FOCAD: variants seen among roughly 807,000 people sequenced by gnomAD.
The protein encoded by FOCAD is KIAA1797.
In FOCAD, 198 loss-of-function variants were observed where a neutral mutation model predicts 225.6. The ratio of observed to expected loss-of-function variants is 0.88; its 90% CI spans 0.78 to 0.99. FOCAD has a LOEUF of 0.99. Ranked by LOEUF, FOCAD falls within the 50% of genes least tolerant of loss-of-function variation. The pLI, the probability that FOCAD is intolerant of heterozygous loss-of-function variation, is 0.00. For missense variants in FOCAD, 2,713 were observed against 2,123.6 expected (o/e 1.28, Z -5.46); for synonymous variants, 897 against 755.0 (o/e 1.19, Z -3.08).
chr9:20,813,599 T>G (rs7868760), intron 11 of FOCAD, among the ~76,000 whole-genome samples: 4 of 152,236 alleles, frequency 2.6e-5, no homozygotes, highest in African/African-American at 9.6e-5. Flanking sequence ...GAAAGGGTAC[T>G]TAGTGTGATT....
intron 15 of FOCAD, among the ~76,000 whole-genome samples, chr9:20,855,571 A>T (rs901048762): frequency 6.6e-6 from 1 of 151,712 alleles, no homozygotes; most frequent in African/African-American, 2.4e-5. Flanking sequence ...GGTATCCATC[A>T]CCTCAAGCAT....
At chr9:20,703,254 T>C (rs970831410) in intron 1 of FOCAD, among the ~76,000 whole-genome samples, 3 of 152,022 alleles carry the variant, frequency 2.0e-5, no homozygotes, top group Admixed American at 2.0e-4. Context: ...ATTTGAACAA[T>C]TGAACAAGTC....
intron 39 of FOCAD, among the ~76,000 whole-genome samples, chr9:20,985,621 C>T (rs1841084869): frequency 1.3e-5 from 2 of 152,118 alleles, no homozygotes; most frequent in Non-Finnish European, 2.9e-5. Context: ...TAATCTTACA[C>T]GTGTTCTTCC....
At chr9:20,732,151 G>A (rs998149168) in intron 4 of FOCAD, among the ~76,000 whole-genome samples, 5 of 152,108 alleles carry the variant, frequency 3.3e-5, no homozygotes, top group Non-Finnish European at 4.4e-5. Flanking sequence ...CTGTGATACC[G>A]TGGTGAGGAA....
In FOCAD at chr9:20,780,230, A is replaced by G. The variant is rs187503563; in HGVS notation, c.994+1462A>G. ...TCCTCATTTTCACCCTCAGCTCCAGAGAAATACTAATCTGCTTTTTGTCTC... is the reference window on the plus strand; with the variant it reads ...TCCTCATTTTCACCCTCAGCTCCAGGGAAATACTAATCTGCTTTTTGTCTC... On this transcript the variant is annotated intron_variant, in intron 9 of 43. Coordinates refer to ENST00000338382, the MANE Select transcript of FOCAD (RefSeq NM_001375567.1). Among the ~76,000 whole-genome samples the G allele has an allele frequency of 1.5e-3, 224 of 152,294 alleles. 1 individual carries two copies. Among genetic ancestry groups the G allele is most frequent in the Non-Finnish European group, 2.4e-3 (160 of 68,024 alleles).
rs1832782109 is a variant in FOCAD, at chr9:20,904,344, C to T, written c.2626-2806C>T. ...CTGAGGAACCACCATTAAGTGTTTT[C>T]CATACCAGCTGAACCATTTTTTATT... On this transcript the variant is annotated intron_variant, in intron 21 of 43. Transcript: ENST00000338382. 2.0e-5 allele frequency among the ~76,000 whole-genome samples: 3 copies of T among 151,910 alleles called. No homozygotes were observed. The South Asian group carries it at 6.2e-4, about 31-fold the overall frequency.
chr9:20,769,974 TA>T, intron 7 of FOCAD, 57 bp from the exon 8 acceptor site: 1 of 1,483,968 alleles, frequency 6.7e-7, no homozygotes, highest in Non-Finnish European at 9.3e-7. Context: ...TTGTGTACTT[TA>T]AAATTATCTT....
chr9:20,888,567 C>A (rs1228118902), intron 21 of FOCAD, among the ~76,000 whole-genome samples: 3 of 151,358 alleles, frequency 2.0e-5, no homozygotes, highest in African/African-American at 4.9e-5. Context: ...TTTCTTTTTT[C>A]CTGTGTTTTA....
At chr9:20,962,545 G>A (rs987466531) in intron 35 of FOCAD, among the ~76,000 whole-genome samples, 3 of 152,114 alleles carry the variant, frequency 2.0e-5, no homozygotes, top group South Asian at 2.1e-4. Context: ...ATATGCTAGC[G>A]ATGGAAAATA....
At chr9:20,828,458 G>A (rs1377550799) in intron 15 of FOCAD, among the ~76,000 whole-genome samples, 1 of 151,988 alleles carries the variant, frequency 6.6e-6, no homozygotes, top group Non-Finnish European at 1.5e-5. Flanking sequence ...CTAGGAGTGG[G>A]ATTGGTGGGT....
At chr9:20,704,566 T>C (rs1319333724) in intron 1 of FOCAD, among the ~76,000 whole-genome samples, 1 of 152,190 alleles carries the variant, frequency 6.6e-6, no homozygotes, top group Non-Finnish European at 1.5e-5. Context: ...ATAATAGTTA[T>C]TTTTCTCCTT....
chr9:20,754,649 G>T (rs1166372931), intron 5 of FOCAD, among the ~76,000 whole-genome samples: 1 of 151,946 alleles, frequency 6.6e-6, no homozygotes, highest in Admixed American at 6.6e-5. Context: ...TCTTGACCAG[G>T]AGCAATTTTG....
At chr9:20,862,538 G>T in intron 15 of FOCAD, 40 bp from the exon 16 acceptor site, 1 of 1,600,154 alleles carries the variant, frequency 6.2e-7, no homozygotes, top group Non-Finnish European at 8.5e-7. Context: ...ATATAGGTTG[G>T]AGTCTTGTTA....
In FOCAD at chr9:20,756,528, G is replaced by A. The variant is rs77134440; in HGVS notation, c.393-1562G>A. Among the ~76,000 whole-genome samples the A allele has an allele frequency of 5.1e-3, 777 of 152,202 alleles. 3 individuals carry two copies. Among genetic ancestry groups the A allele is most frequent in the Non-Finnish European group, 7.1e-3 (483 of 68,012 alleles). ...GTAGAATTTTAAAAAATTGCTAGGG[G>A]ACAAACTTCATTCCTAGCAGTCTAA... On this transcript the variant is annotated intron_variant, in intron 5 of 43. Transcript: ENST00000338382.
At chr9:20,711,386 G>A (rs575360534) in intron 1 of FOCAD, among the ~76,000 whole-genome samples, 1 of 152,160 alleles carries the variant, frequency 6.6e-6, no homozygotes, top group South Asian at 2.1e-4. Flanking sequence ...ATCAGGATTT[G>A]CATTTAATCC....
intron 4 of FOCAD, among the ~76,000 whole-genome samples, chr9:20,727,254 C>G (rs1586952899): frequency 1.3e-5 from 2 of 152,014 alleles, no homozygotes; most frequent in Non-Finnish European, 1.5e-5. Flanking sequence ...TGGTTCCAGC[C>G]ACTTTTCTGA....
At chr9:20,661,094 A>G (rs1821704655) in intron 2 of FOCAD, among the ~76,000 whole-genome samples, 1 of 152,216 alleles carries the variant, frequency 6.6e-6, no homozygotes, top group African/African-American at 2.4e-5. Context: ...CTGGAGAGCT[A>G]AGGAGGCTGT....
chr9:20,944,800 T>TC, intron 29 of FOCAD, 26 bp downstream of exon 29: 2 of 1,586,620 alleles, frequency 1.3e-6, no homozygotes, highest in East Asian at 2.3e-5. Context: ...TACATTTTTT[T>TC]CCCCTCTGCT....
intron 2 of FOCAD, among the ~76,000 whole-genome samples, chr9:20,716,402 T>G (rs1825340049): frequency 6.6e-6 from 1 of 152,104 alleles, no homozygotes; most frequent in African/African-American, 2.4e-5. Context: ...TATAGAACAC[T>G]TAAGTAGCAA....
Sources: gnomAD v4.1 joint callset for allele counts (sites outside exome capture counted in the v4.1 genomes callset) on GRCh38, gnomAD v4.1.1 for gene constraint, MANE v1.5 for transcripts, NCBI Gene and HGNC (gene_info 2026-07-23, HGNC 2026-07-21) for gene names.